The following LRP1B variants were observed in gnomAD, a reference collection of about 807,000 sequenced individuals.
The protein encoded by LRP1B is low-density lipoprotein receptor-related protein 1B.
Under a neutral mutation model 556.6 loss-of-function variants are expected in LRP1B, and 217 were observed. The observed-to-expected ratio is 0.39, with a 90% CI of 0.35 to 0.44. The LOEUF is 0.44. Among genes scored for constraint, LRP1B ranks in the 20% least tolerant of loss-of-function variants. LRP1B has a pLI of 1.00. For missense variants in LRP1B, 5,053 were observed against 5,620.8 expected (o/e 0.90, Z 3.23); for synonymous variants, 2,047 against 1,865.8 (o/e 1.10, Z -2.50).
chr2:141,724,206 A>G (rs2118271), intron 2 of LRP1B, among the ~76,000 whole-genome samples: 27,576 of 151,754 alleles, frequency 0.18, 2,799 homozygotes, highest in East Asian at 0.25. Flanking sequence ...TTCTTAGCTC[A>G]TAGATATATA....
chr2:140,526,445 T>G lies in LRP1B; in HGVS notation c.7763-95A>C, dbSNP rs1690439063. 2.3e-5 allele frequency: 21 copies of G among 909,814 alleles called. No individual in the cohort carries two copies. The Admixed American group carries it at 4.8e-4, about 21-fold the overall frequency. 56.4% of individuals were successfully genotyped at this position (909,814 alleles called of 1,614,324 possible). A position where few individuals can be genotyped will look rare whatever the true frequency, so the allele number is the denominator to read the frequency against. On this transcript the variant is annotated intron_variant, in intron 47 of 90. Transcript: ENST00000389484. ...ATTTCAATTATTTTATATAATTTTG[T>G]TTGGTTTTGCTTTCGTAACTCTGGG... is the stretch of plus-strand genomic sequence containing the variant.
intron 10 of LRP1B, 144 bp downstream of exon 10, chr2:141,054,972 G>C (rs932774274): frequency 1.4e-6 from 1 of 740,172 alleles, no homozygotes; most frequent in African/African-American, 1.8e-5. Context: ...TACTTATTTT[G>C]AGAAAAATGG....
At chr2:141,400,562 C>T (rs1205485361) in intron 3 of LRP1B, among the ~76,000 whole-genome samples, 1 of 152,112 alleles carries the variant, frequency 6.6e-6, no homozygotes, top group Non-Finnish European at 1.5e-5. Context: ...CCTAGATACA[C>T]CTAACATTTG....
chr2:140,406,712 C>G (rs1160466831), intron 66 of LRP1B, among the ~76,000 whole-genome samples: 1 of 151,978 alleles, frequency 6.6e-6, no homozygotes, highest in Non-Finnish European at 1.5e-5. Context: ...AATATGTAAA[C>G]CCAGCCCATG....
chr2:140,396,765 C>T (rs1279765587), intron 66 of LRP1B, among the ~76,000 whole-genome samples: 1 of 152,080 alleles, frequency 6.6e-6, no homozygotes, highest in African/African-American at 2.4e-5. Context: ...GGAGGAAGAA[C>T]ACAGGTATTT....
intron 15 of LRP1B, among the ~76,000 whole-genome samples, chr2:140,994,417 G>GTGTGTGTGTT (rs1697183698): frequency 6.6e-6 from 1 of 151,678 alleles, no homozygotes; most frequent in African/African-American, 2.4e-5. Context: ...GTGTGTGTGT[G>GTGTGTGTGTT]TGTATCACAA....
chr2:140,634,233 A>G (rs1353868803), intron 41 of LRP1B, among the ~76,000 whole-genome samples: 2 of 152,196 alleles, frequency 1.3e-5, no homozygotes, highest in Non-Finnish European at 2.9e-5. Context: ...AACATTTGAT[A>G]AAATCCAACA....
At chr2:140,426,691 C>CT (rs1685669949) in intron 66 of LRP1B, among the ~76,000 whole-genome samples, 1 of 152,206 alleles carries the variant, frequency 6.6e-6, no homozygotes, top group Non-Finnish European at 1.5e-5. Flanking sequence ...CCACCCATAT[C>CT]TTCCTTCGCT....
At chr2:141,295,185 G>A (rs1686134551) in intron 3 of LRP1B, among the ~76,000 whole-genome samples, 1 of 152,044 alleles carries the variant, frequency 6.6e-6, no homozygotes, top group South Asian at 2.1e-4. Context: ...TTCAACTGAT[G>A]CACTTTACCA....
chr2:140,700,630 G>T lies in LRP1B; in HGVS notation c.6428-9C>A. ...GGCACAAACATTGGTCCCTAATGAA[G>T]AAAAATGATACACACATGCACATGT... On this transcript the variant is annotated splice_polypyrimidine_tract_variant and intron_variant, in intron 40 of 90. Coordinates refer to ENST00000389484, the MANE Select transcript of LRP1B (RefSeq NM_018557.3). 3.7e-6 allele frequency: 6 copies of T among 1,612,546 alleles called. No individual in the cohort carries two copies. Among genetic ancestry groups the T allele is most frequent in the Non-Finnish European group, 5.1e-6 (6 of 1,179,186 alleles).
At chr2:140,895,429 G>C (rs986957102) in intron 23 of LRP1B, among the ~76,000 whole-genome samples, 1 of 152,142 alleles carries the variant, frequency 6.6e-6, no homozygotes, top group South Asian at 2.1e-4. Flanking sequence ...CTCAGCCTGC[G>C]GCTCTCAACC....
chr2:141,573,054 A>G (rs975564114), intron 2 of LRP1B, among the ~76,000 whole-genome samples: 1 of 152,224 alleles, frequency 6.6e-6, no homozygotes, highest in Non-Finnish European at 1.5e-5. Flanking sequence ...CAGAAAATTA[A>G]CAAGGATATT....
At chr2:140,600,266 T>C (rs188208815) in intron 42 of LRP1B, among the ~76,000 whole-genome samples, 127 of 152,192 alleles carry the variant, frequency 8.3e-4, no homozygotes, top group Non-Finnish European at 1.8e-4. Context: ...ATTCTTCTGG[T>C]GATGTGTTGG....
At chr2:142,095,270 G>A (rs1706319901) in intron 1 of LRP1B, among the ~76,000 whole-genome samples, 1 of 151,168 alleles carries the variant, frequency 6.6e-6, no homozygotes, top group Non-Finnish European at 1.5e-5. Flanking sequence ...ATTATACTAC[G>A]GTATACTCTT....
intron 1 of LRP1B, among the ~76,000 whole-genome samples, chr2:141,838,103 A>G (rs776186891): frequency 3.3e-5 from 5 of 152,134 alleles, no homozygotes; most frequent in Non-Finnish European, 7.4e-5. Flanking sequence ...AAACACATTT[A>G]TTGGGTACCT....
intron 14 of LRP1B, among the ~76,000 whole-genome samples, chr2:141,013,034 A>G (rs1305658332): frequency 2.6e-5 from 4 of 151,964 alleles, no homozygotes; most frequent in Admixed American, 6.6e-5. Context: ...ATCTGATTTT[A>G]AGAAGACATG....
chr2:140,724,835 C>A (rs1574285035), intron 35 of LRP1B, among the ~76,000 whole-genome samples: 1 of 152,132 alleles, frequency 6.6e-6, no homozygotes, highest in Non-Finnish European at 1.5e-5. Flanking sequence ...CTCCCTGCCA[C>A]CCCACAACTA....
At chr2:142,039,794 C>A (rs1429117783) in intron 1 of LRP1B, among the ~76,000 whole-genome samples, 2 of 151,492 alleles carry the variant, frequency 1.3e-5, no homozygotes, top group Non-Finnish European at 3.0e-5. Context: ...TTTGTATTAT[C>A]TAGAAATTTG....
intron 1 of LRP1B, among the ~76,000 whole-genome samples, chr2:142,113,211 G>C (rs984488413): frequency 1.3e-5 from 2 of 152,010 alleles, no homozygotes; most frequent in Non-Finnish European, 2.9e-5. Flanking sequence ...CCAGTGTACA[G>C]CTTTTCTCAG....
Sources: allele counts gnomAD v4.1 joint callset (sites outside exome capture counted in the v4.1 genomes callset), GRCh38; gene constraint gnomAD v4.1.1; transcripts MANE v1.5; gene names NCBI Gene and HGNC (gene_info 2026-07-23, HGNC 2026-07-21).